Variants in KCNRG observed in about 807,000 individuals in gnomAD.
The protein encoded by KCNRG is potassium channel regulator.
KCNRG carries 17 observed loss-of-function variants against 17.7 expected under a neutral mutation model. The ratio of observed to expected loss-of-function variants is 0.96; its 90% confidence interval spans 0.66 to 1.44. The LOEUF is 1.44. Among genes scored for constraint, KCNRG ranks in the 40% most tolerant of loss-of-function variants. The probability of loss-of-function intolerance (pLI) is 0.00; values close to 1 mark genes in which losing one functional copy is unlikely to be tolerated. For synonymous variants in KCNRG, 97 were observed against 116.5 expected (o/e 0.83, Z 1.08); for missense variants, 311 against 321.1 (o/e 0.97, Z 0.24).
intron 1 of KCNRG, 65 bp from the exon 2 acceptor site, chr13:50,020,149 T>C: frequency 6.7e-7 from 1 of 1,489,762 alleles, no homozygotes; most frequent in Non-Finnish European, 9.2e-7. Context: ...GTCAAATTTA[T>C]GTGTATAGTT....
At chr13:50,016,197 C>T (rs774720782) in intron 1 of KCNRG, 126 bp downstream of exon 1, 1 of 708,696 alleles carries the variant, frequency 1.4e-6, no homozygotes, top group Non-Finnish European at 2.4e-6. Flanking sequence ...TTGGGGTAAC[C>T]AGTGGAGTTG....
rs751719798 is a variant in KCNRG, at chr13:50,015,963, T to C, written c.470T>C (p.Phe157Ser). The C allele has an allele frequency of 6.2e-7, 1 of 1,614,132 alleles. No homozygotes were observed. The highest frequency in any genetic ancestry group is 1.3e-5 in the African/African-American group (1 of 75,046). Residue 157 changes from phenylalanine to serine, a missense_variant, in exon 1 of 2, where the codon TTC becomes TCC. By Grantham distance (155) the Phe-to-Ser change is radical (BLOSUM62 -2). Coordinates refer to ENST00000312942, the MANE Select transcript of KCNRG (RefSeq NM_173605.2). ...GCGCCGACCTGGAATGGTAACTTTT[T>C]CCCTCCTCAGATGACCTTACTTCCA... The part of the protein sequence containing the change: ...PSAPTWNGNF[F>S]PPQMTLLPLP...
Position 50,015,523 on chromosome 13 carries a change from T to C in KCNRG, c.30T>C (p.Asn10=). The change falls in exon 1 of 2, where the codon AAT becomes AAC. Residue 10 remains asparagine (N), a synonymous_variant. Coordinates refer to ENST00000312942, the MANE Select transcript of KCNRG (RefSeq NM_173605.2). The stretch of plus-strand genomic sequence containing the variant: ...GTAGTCAGGAACTGGTCACTTTGAA[T>C]GTGGGAGGGAAGATATTCACGACAA... The part of the protein sequence containing the change: MSSQELVTL[N]VGGKIFTTRF... The C allele has an allele frequency of 6.2e-7, 1 of 1,613,520 alleles. No individual in the cohort carries two copies. The highest frequency in any genetic ancestry group is 8.5e-7 in the Non-Finnish European group (1 of 1,179,688).
intron 1 of KCNRG, chr13:50,017,770 A>T (rs1876788555): frequency 6.0e-6 from 1 of 167,030 alleles, no homozygotes; most frequent in Non-Finnish European, 1.5e-5. Context: ...ATAATTGCCT[A>T]ATTAGCAATC....
At chr13:50,019,152 T>C in intron 1 of KCNRG, among the ~76,000 whole-genome samples, 1 of 1,588 alleles carries the variant, frequency 6.3e-4, no homozygotes, top group Non-Finnish European at 0.17. Flanking sequence ...TTTTCTTTTG[T>C]TTTTTTTTTT....
Position 50,020,213 on chromosome 13 carries a change from G to C in KCNRG, c.579-1G>C. On this transcript the variant is annotated splice_acceptor_variant, in intron 1 of 1. Coordinates refer to ENST00000312942, the MANE Select transcript of KCNRG (RefSeq NM_173605.2). LOFTEE classifies it high-confidence loss of function. Reference sequence around the variant, plus strand: ...ATTAAGCTTCTTTTTGTGTGTCCTAGGTATGTTTCTATAAAACCTGATAAC... The same window carrying C: ...ATTAAGCTTCTTTTTGTGTGTCCTACGTATGTTTCTATAAAACCTGATAAC... 1.2e-6 allele frequency: 2 copies of C among 1,613,736 alleles called. No homozygotes were observed. Among genetic ancestry groups the C allele is most frequent in the Non-Finnish European group, 1.7e-6 (2 of 1,179,836 alleles).
In KCNRG at chr13:50,020,279, T is replaced by A. The variant is rs749074964; in HGVS notation, c.644T>A (p.Ile215Asn). ...ANGTNVLGLLIDTLLKEGFHL... is the reference protein window; with the variant it reads ...ANGTNVLGLLNDTLLKEGFHL... ...GGAACAAATGTCCTCGGCTTACTGA[T>A]TGACACTTTATTAAAGGAAGGCTTT... The change falls in exon 2 of 2, where the codon ATT becomes AAT. Residue 215 changes from isoleucine (I) to asparagine (N), a missense_variant. Transcript: ENST00000312942. 38 of 1,613,960 alleles carry A rather than the reference T, an allele frequency of 2.4e-5. No individual in the cohort carries two copies. The highest frequency in any genetic ancestry group is 2.8e-5 in the Non-Finnish European group (33 of 1,179,928).
intron 1 of KCNRG, chr13:50,016,274 G>A: frequency 1.9e-6 from 1 of 523,768 alleles, no homozygotes; most frequent in Non-Finnish European, 3.5e-6. Flanking sequence ...GCTATTATTA[G>A]GTGGGACAAA....
intron 1 of KCNRG, among the ~76,000 whole-genome samples, chr13:50,019,238 C>T (rs1014907769): frequency 6.6e-6 from 1 of 151,944 alleles, no homozygotes; most frequent in African/African-American, 2.4e-5. Flanking sequence ...TCCGCCTCCT[C>T]ATGTGCATTT....
Position 50,020,549 on chromosome 13 carries a change from C to T in KCNRG, c.*95C>T. The T allele has an allele frequency of 2.3e-6, 3 of 1,331,152 alleles. No individual in the cohort carries two copies. Among genetic ancestry groups the T allele is most frequent in the South Asian group, 1.4e-5 (1 of 73,312 alleles). 82.5% of individuals were successfully genotyped at this position (1,331,152 alleles called of 1,614,324 possible). ...TTAGCCAAATCTACACTCAGCCTAACTCTTGGCTTCATCTGCTGCCATGCC... is the reference window on the plus strand; with the variant it reads ...TTAGCCAAATCTACACTCAGCCTAATTCTTGGCTTCATCTGCTGCCATGCC... On this transcript the variant is annotated 3_prime_UTR_variant, in exon 2 of 2. Transcript: ENST00000312942.
Position 50,016,005 on chromosome 13 carries a change from C to T in KCNRG, c.512C>T (p.Pro171Leu), listed in dbSNP as rs760617144. The change falls in exon 1 of 2, where the codon CCT becomes CTT. Residue 171 changes from proline (P) to leucine (L), a missense_variant. Transcript: ENST00000312942. ...MTLLPLPPQR[P>L]SYHDLVFQCG... ...TTACTTCCACTGCCTCCACAAAGAC[C>T]TTCTTACCATGACCTGGTTTTCCAG... 6.2e-7 allele frequency: 1 copy of T among 1,614,078 alleles called. No homozygotes were observed. Among genetic ancestry groups the T allele is most frequent in the Admixed American group, 1.7e-5 (1 of 60,018 alleles).
chr13:50,020,299 G>A lies in KCNRG; in HGVS notation c.664G>A (p.Gly222Ser). 6.2e-7 allele frequency: 1 copy of A among 1,613,976 alleles called. No individual in the cohort carries two copies. Among genetic ancestry groups the A allele is most frequent in the Non-Finnish European group, 8.5e-7 (1 of 1,179,914 alleles). ...ACTGATTGACACTTTATTAAAGGAA[G>A]GCTTTCATTTGGTCAGCACTAGAAC... is the stretch of plus-strand genomic sequence containing the variant. ...GLLIDTLLKE[G>S]FHLVSTRTVS... Residue 222 changes from glycine (G) to serine (S), a missense_variant, in exon 2 of 2, where the codon GGC (glycine) becomes AGC (serine). Gly to Ser is a moderately conservative substitution (Grantham distance 56, BLOSUM62 0). Coordinates refer to ENST00000312942, the MANE Select transcript of KCNRG (RefSeq NM_173605.2).
Position 50,020,598 on chromosome 13 carries a change from C to A in KCNRG, c.*144C>A. On this transcript the variant is annotated 3_prime_UTR_variant, in exon 2 of 2. Transcript: ENST00000312942. ...CCGTCTCTGGGCAACCAGGCCCCAA[C>A]TGTGCTTAAGCCATAATGCCTGCTG... 1.3e-6 allele frequency: 1 copy of A among 790,348 alleles called. No homozygotes were observed. The highest frequency in any genetic ancestry group is 1.8e-5 in the South Asian group (1 of 56,962). The allele number at this position is 790,348 out of a possible 1,614,324, so 49.0% of individuals were successfully genotyped here.
At chr13:50,019,214 G>A (rs916601077) in intron 1 of KCNRG, among the ~76,000 whole-genome samples, 2 of 151,418 alleles carry the variant, frequency 1.3e-5, no homozygotes, top group Non-Finnish European at 2.9e-5. Context: ...GCGCCATCTT[G>A]GCTCACTGCA....
At chr13:50,018,230 G>T (rs1025334532) in intron 1 of KCNRG, 6 of 166,896 alleles carry the variant, frequency 3.6e-5, no homozygotes, top group Non-Finnish European at 5.9e-5. Flanking sequence ...TCCTCATAGG[G>T]AATCAAGTAT....
chr13:50,016,166 A>G, intron 1 of KCNRG, 95 bp downstream of exon 1: 2 of 843,722 alleles, frequency 2.4e-6, no homozygotes, highest in Non-Finnish European at 3.7e-6. Flanking sequence ...TCTGGAAAAG[A>G]TGATTATTCA....
rs928034303 is a variant in KCNRG at position 50,015,924 on chromosome 13, C to T, written c.431C>T (p.Thr144Ile). ...CTAACAGGGAGGATTACAGTGTTTACAGAACAACCTTCAGCGCCGACCTGG... is the reference window on the plus strand; with the variant it reads ...CTAACAGGGAGGATTACAGTGTTTATAGAACAACCTTCAGCGCCGACCTGG... ...EMLTGRITVF[T>I]EQPSAPTWNG... The change falls in exon 1 of 2, where the codon ACA becomes ATA. Residue 144 changes from threonine to isoleucine, a missense_variant. By Grantham distance (89) the Thr-to-Ile change is moderately conservative. Coordinates refer to ENST00000312942, the MANE Select transcript of KCNRG (RefSeq NM_173605.2). 1.9e-6 allele frequency: 3 copies of T among 1,614,116 alleles called. No individual in the cohort carries two copies. Among genetic ancestry groups the T allele is most frequent in the South Asian group, 2.2e-5 (2 of 91,078 alleles).
chr13:50,016,506 C>A (rs1238026372), intron 1 of KCNRG: 2 of 170,802 alleles, frequency 1.2e-5, no homozygotes, highest in Non-Finnish European at 1.4e-5. Flanking sequence ...TTTTATGATT[C>A]AACTACTGTT....
intron 1 of KCNRG, chr13:50,017,874 GT>G (rs1184922321): frequency 6.0e-6 from 1 of 167,028 alleles, no homozygotes; most frequent in Admixed American, 6.5e-5. Context: ...AGCCTAATTG[GT>G]GCCTAATTGT....
Sources: allele counts gnomAD v4.1 joint callset (sites outside exome capture counted in the v4.1 genomes callset), GRCh38; gene constraint gnomAD v4.1.1; transcripts MANE v1.5; gene names NCBI Gene and HGNC (gene_info 2026-07-23, HGNC 2026-07-21).